Variants in SLC25A48 observed in about 807,000 individuals in gnomAD.
The protein encoded by SLC25A48 is CTC-321K16.1.
In SLC25A48, 29 loss-of-function variants were observed where a neutral mutation model predicts 32.2. The ratio of observed to expected loss-of-function variants is 0.90; its 90% confidence interval spans 0.67 to 1.23. The LOEUF (loss-of-function observed/expected upper bound fraction) is 1.23, where lower values mean the gene tolerates loss of function less well. Ranked by LOEUF, SLC25A48 falls within the 50% of genes most tolerant of loss-of-function variation. The pLI is 0.00. For missense variants in SLC25A48, 399 were observed against 422.7 expected (o/e 0.94, Z 0.49); for synonymous variants, 164 against 172.3 (o/e 0.95, Z 0.38).
At chr5:135,820,558 AT>A (rs1408176607) in intron 4 of SLC25A48, among the ~76,000 whole-genome samples, 4 of 152,234 alleles carry the variant, frequency 2.6e-5, no homozygotes, top group African/African-American at 9.6e-5. Flanking sequence ...CATGAATTAA[AT>A]TTATATAAAA....
At chr5:135,753,057 G>A (rs1429003329) in intron 3 of SLC25A48, among the ~76,000 whole-genome samples, 2 of 152,016 alleles carry the variant, frequency 1.3e-5, no homozygotes, top group African/African-American at 4.8e-5. Flanking sequence ...CACTGGGGGT[G>A]TACGTACATA....
At chr5:135,678,942 G>A (rs1231211304) in intron 3 of SLC25A48, among the ~76,000 whole-genome samples, 2 of 152,126 alleles carry the variant, frequency 1.3e-5, no homozygotes, top group African/African-American at 2.4e-5. Context: ...GAACATGTCT[G>A]TCCTTGGGCT....
At chr5:135,712,390 A>G (rs955226401) in intron 3 of SLC25A48, among the ~76,000 whole-genome samples, 1 of 152,174 alleles carries the variant, frequency 6.6e-6, no homozygotes, top group Non-Finnish European at 1.5e-5. Context: ...TATGACCCTA[A>G]TACTTATTAA....
intron 3 of SLC25A48, among the ~76,000 whole-genome samples, chr5:135,803,735 G>T (rs79460909): frequency 0.015 from 2,235 of 151,408 alleles, 58 homozygotes; most frequent in African/African-American, 0.051. Context: ...GGGTGTACAG[G>T]CACTGTAATA....
intron 3 of SLC25A48, among the ~76,000 whole-genome samples, chr5:135,742,888 T>C (rs1255442107): frequency 7.2e-6 from 1 of 138,948 alleles, no homozygotes; most frequent in Admixed American, 7.8e-5. Flanking sequence ...GAAGAGAACT[T>C]TGCGTATAGT....
chr5:135,778,836 CA>C (rs775259545), intron 3 of SLC25A48, among the ~76,000 whole-genome samples: 1,299 of 5,190 alleles, frequency 0.25, 51 homozygotes, highest in African/African-American at 0.39. Context: ...GTGGTGTACA[CA>C]CACCCCCCCC....
chr5:135,831,400 C>T (rs1405754143), upstream of SLC25A48, among the ~76,000 whole-genome samples: 5 of 152,240 alleles, frequency 3.3e-5, no homozygotes, highest in Non-Finnish European at 7.3e-5. Flanking sequence ...GAGGCAGTAC[C>T]CTCTTCTCAG....
intron 1 of SLC25A48, among the ~76,000 whole-genome samples, chr5:135,585,795 G>A (rs1185412447): frequency 7.1e-6 from 1 of 141,032 alleles, no homozygotes; most frequent in Admixed American, 6.9e-5. Flanking sequence ...TAAATAATCA[G>A]GCTGTGATAA....
At chr5:135,715,420 C>T (rs1318885974) in intron 3 of SLC25A48, among the ~76,000 whole-genome samples, 1 of 152,216 alleles carries the variant, frequency 6.6e-6, no homozygotes, top group East Asian at 1.9e-4. Context: ...AGCCTGATGA[C>T]AGTGGGTGTG....
intron 7 of SLC25A48, among the ~76,000 whole-genome samples, chr5:135,884,759 C>T (rs1264300087): frequency 4.6e-5 from 7 of 152,232 alleles, no homozygotes; most frequent in South Asian, 4.2e-4. Context: ...TTTCCCGGTG[C>T]GAGGCATGCT....
upstream of SLC25A48, among the ~76,000 whole-genome samples, chr5:135,833,952 G>A (rs1272442263): frequency 6.6e-6 from 1 of 152,222 alleles, no homozygotes; most frequent in East Asian, 1.9e-4. Context: ...CACCATTCTT[G>A]TCAACCTTGG....
chr5:135,733,427 A>G (rs572023700), intron 3 of SLC25A48, among the ~76,000 whole-genome samples: 25 of 152,304 alleles, frequency 1.6e-4, no homozygotes, highest in Admixed American at 1.3e-3. Flanking sequence ...GCCTGGAACA[A>G]TGGTAATTGT....
At chr5:135,878,552 G>C (rs1762214300) in intron 6 of SLC25A48, among the ~76,000 whole-genome samples, 1 of 152,132 alleles carries the variant, frequency 6.6e-6, no homozygotes, top group Admixed American at 6.5e-5. Context: ...CTTTCCCAGG[G>C]ACATGTTGCA....
intron 1 of SLC25A48, among the ~76,000 whole-genome samples, chr5:135,620,989 C>G (rs1043961554): frequency 1.3e-5 from 2 of 152,186 alleles, no homozygotes; most frequent in Non-Finnish European, 2.9e-5. Context: ...CTTCTCCTTC[C>G]AGATGATCTA....
intron 3 of SLC25A48, among the ~76,000 whole-genome samples, chr5:135,657,765 G>A (rs1753288603): frequency 6.6e-6 from 1 of 152,228 alleles, no homozygotes; most frequent in African/African-American, 2.4e-5. Context: ...GTTGCTGTGG[G>A]TGACAGCCAA....
At chr5:135,619,695 C>T (rs13171268) in intron 1 of SLC25A48, among the ~76,000 whole-genome samples, 21 of 151,854 alleles carry the variant, frequency 1.4e-4, no homozygotes, top group Non-Finnish European at 7.4e-5. Flanking sequence ...CATTGGGTAG[C>T]GTACTTTGGC....
chr5:135,620,202 G>A (rs6863371), intron 1 of SLC25A48, among the ~76,000 whole-genome samples: 1 of 152,176 alleles, frequency 6.6e-6, no homozygotes, highest in Admixed American at 6.5e-5. Context: ...CCACTATGTT[G>A]GTGGCAGTAG....
At chr5:135,698,231 G>A (rs1398177754) in intron 3 of SLC25A48, among the ~76,000 whole-genome samples, 1 of 152,208 alleles carries the variant, frequency 6.6e-6, no homozygotes, top group Non-Finnish European at 1.5e-5. Flanking sequence ...ACCTGCTATG[G>A]TTCTCATGGT....
chr5:135,752,748 G>T (rs576348686), intron 3 of SLC25A48, among the ~76,000 whole-genome samples: 8 of 152,068 alleles, frequency 5.3e-5, no homozygotes, highest in African/African-American at 1.9e-4. Context: ...GTGATGTTAG[G>T]AGTCATATCT....
Sources: gnomAD v4.1 joint callset for allele counts (sites outside exome capture counted in the v4.1 genomes callset) on GRCh38, gnomAD v4.1.1 for gene constraint, MANE v1.5 for transcripts, NCBI Gene and HGNC (gene_info 2026-07-23, HGNC 2026-07-21) for gene names.